Variants in RBBP7 observed in about 807,000 individuals in gnomAD.
The protein encoded by RBBP7 is RB binding protein 7, chromatin remodeling factor, also known as histone-binding protein RBBP7.
RBBP7 carries 5 observed loss-of-function variants against 35.2 expected under a neutral mutation model. That is an observed-to-expected ratio of 0.14 (90% confidence interval 0.07 to 0.30). The LOEUF is 0.30. RBBP7 is among the 10% of genes least tolerant of loss of function. RBBP7 has a pLI of 1.00. For synonymous variants in RBBP7, 140 were observed against 118.7 expected, an observed-to-expected ratio of 1.18 and a Z score of -1.17; for missense variants, 155 against 327.5, an observed-to-expected ratio of 0.47 and a Z score of 4.07.
chrX:16,845,574 A>G (rs1930052769), intron 11 of RBBP7, among the ~76,000 whole-genome samples: 1 of 112,259 alleles, frequency 8.9e-6, no homozygotes, highest in Admixed American at 9.5e-5. Flanking sequence ...TATGAAGAGC[A>G]CAACAACAAT....
intron 9 of RBBP7, 71 bp from the exon 10 acceptor site, chrX:16,849,372 T>C: frequency 2.1e-6 from 2 of 940,651 alleles, no homozygotes; most frequent in Non-Finnish European, 1.5e-6. Context: ...TAAACCAGTA[T>C]CAGCCCAGAA....
chrX:16,868,968 A>T, intron 2 of RBBP7, 108 bp downstream of exon 2: 1 of 866,331 alleles, frequency 1.2e-6, no homozygotes, highest in Non-Finnish European at 1.6e-6. Flanking sequence ...CTGCCACCTC[A>T]TGCAAGGGCT....
At position 16,869,779 on chromosome X, in the gene RBBP7, A is replaced by G. The variant is rs1930729503; in HGVS notation, c.16+259T>C. 8.5e-6 allele frequency: 8 copies of G among 940,341 alleles called. No individual in the cohort carries two copies. In the South Asian group the frequency reaches 4.3e-4, roughly 50 times the overall value. The allele number at this position is 940,341 out of a possible 1,213,427, so 77.5% of individuals were successfully genotyped here. ...TCCGCCCCGGGGCCGAGGGCGCCGGAGGGAGCGCAGCCGCTGGAGGAGGGA... is the reference window on the plus strand; with the variant it reads ...TCCGCCCCGGGGCCGAGGGCGCCGGGGGGAGCGCAGCCGCTGGAGGAGGGA... On this transcript the variant is annotated intron_variant, in intron 1 of 11. Transcript: ENST00000380087.
intron 2 of RBBP7, among the ~76,000 whole-genome samples, chrX:16,864,544 A>G (rs986399510): frequency 4.5e-4 from 18 of 40,376 alleles, no homozygotes; most frequent in African/African-American, 1.7e-3. Flanking sequence ...AAAAAAAAAA[A>G]AAAGAAAAAG....
chrX:16,868,970 G>T, intron 2 of RBBP7, 106 bp downstream of exon 2: 2 of 889,915 alleles, frequency 2.2e-6, no homozygotes, highest in Non-Finnish European at 3.1e-6. Flanking sequence ...GCCACCTCAT[G>T]CAAGGGCTGA....
chrX:16,866,659 A>C (rs1930632307), intron 2 of RBBP7, among the ~76,000 whole-genome samples: 1 of 110,983 alleles, frequency 9.0e-6, no homozygotes, highest in African/African-American at 3.3e-5. Context: ...AAGAAAGTCC[A>C]AGTAATCGTT....
At chrX:16,853,459 TA>T in intron 6 of RBBP7, 1 of 292,596 alleles carries the variant, frequency 3.4e-6, no homozygotes, top group Non-Finnish European at 5.9e-6. Flanking sequence ...CATACCCAAC[TA>T]ATTTTTTGTT....
chrX:16,857,861 T>TCATC, intron 4 of RBBP7, 152 bp from the exon 5 acceptor site: 1 of 824,888 alleles, frequency 1.2e-6, no homozygotes, highest in Non-Finnish European at 1.6e-6. Flanking sequence ...CTCATGACCA[T>TCATC]TAGATGATTG....
chrX:16,856,944 A>G (rs1930367661), intron 5 of RBBP7, among the ~76,000 whole-genome samples: 1 of 111,889 alleles, frequency 8.9e-6, no homozygotes, highest in African/African-American at 3.2e-5. Flanking sequence ...ACTGTGGTAT[A>G]TCCATACAGT....
intron 7 of RBBP7, 37 bp downstream of exon 7, chrX:16,852,712 G>A (rs1930240018): frequency 8.3e-7 from 1 of 1,211,769 alleles, no homozygotes; most frequent in Admixed American, 2.2e-5. Context: ...AGAGAACTGG[G>A]TTTTATAAAC....
chrX:16,849,326 T>G, intron 9 of RBBP7, 25 bp from the exon 10 acceptor site: 1 of 1,176,348 alleles, frequency 8.5e-7, no homozygotes, highest in Non-Finnish European at 1.2e-6. Flanking sequence ...AATATAACGC[T>G]TTCATCAGTG....
chrX:16,861,153 G>A (rs1930468597), intron 3 of RBBP7, among the ~76,000 whole-genome samples: 1 of 112,033 alleles, frequency 8.9e-6, no homozygotes, highest in Non-Finnish European at 1.9e-5. Context: ...CAGCCTGGGC[G>A]ACTGAGCGAG....
intron 5 of RBBP7, 32 bp downstream of exon 5, chrX:16,857,562 T>C: frequency 2.5e-6 from 3 of 1,209,248 alleles, no homozygotes; most frequent in Non-Finnish European, 3.4e-6. Context: ...GCTCTCACTA[T>C]ATGAACAAAT....
At position 16,844,804 on chromosome X, in the gene RBBP7, G is replaced by C. The variant is rs1338624349; in HGVS notation, c.*231C>G. On this transcript the variant is annotated 3_prime_UTR_variant, in exon 12 of 12. Transcript: ENST00000380087. ...AATCAAAGGCAATACCCTGCTACTT[G>C]TATTTAAAATCAATGGTGATGTTCT... 1 of 302,787 alleles carries C rather than the reference G, an allele frequency of 3.3e-6. No homozygotes were observed. The highest frequency in any genetic ancestry group is 5.8e-6 in the Non-Finnish European group (1 of 173,768). The allele number at this position is 302,787 out of a possible 1,213,427, so 25.0% of individuals were successfully genotyped here.
intron 10 of RBBP7, chrX:16,846,219 A>G (rs893847174): frequency 8.5e-5 from 17 of 200,940 alleles, no homozygotes; most frequent in African/African-American, 3.8e-4. Flanking sequence ...GAGCCTATAC[A>G]ATGAAATGGC....
chrX:16,870,012 G>A (rs765997180), intron 1 of RBBP7, 26 bp downstream of exon 1: 967 of 821,182 alleles, frequency 1.2e-3, no homozygotes, highest in Admixed American at 1.6e-3. Flanking sequence ...CGGCCCCGGC[G>A]CGCGCCGCCC....
chrX:16,866,523 CAAAAAAAAAAAAAAAAAAAAAAA>C (rs55729039), intron 2 of RBBP7, among the ~76,000 whole-genome samples: 2 of 32,583 alleles, frequency 6.1e-5, no homozygotes, highest in African/African-American at 1.4e-4. Context: ...GAGACTGTCT[CAAAAAAAAAAAAAAAAAAAAAAA>C]AAAAAAAAAA....
chrX:16,852,949 G>A, intron 6 of RBBP7, 74 bp from the exon 7 acceptor site: 1 of 1,194,372 alleles, frequency 8.4e-7, no homozygotes, highest in South Asian at 1.8e-5. Flanking sequence ...CACTGTCACT[G>A]CACTCCACAA....
chrX:16,852,586 G>A lies in RBBP7; in HGVS notation c.928C>T (p.His310Tyr), dbSNP rs1930237249. 1 of 1,209,745 alleles carries A rather than the reference G, an allele frequency of 8.3e-7. No individual in the cohort carries two copies. The highest frequency in any genetic ancestry group is 2.2e-5 in the Admixed American group (1 of 45,721). Residue 310 changes from histidine to tyrosine, a missense_variant, in exon 8 of 12, where the codon CAT becomes TAT. By Grantham distance (83) the His-to-Tyr change is moderately conservative (BLOSUM62 2). Coordinates refer to ENST00000380087, the MANE Select transcript of RBBP7 (RefSeq NM_002893.4). ...TCATCTTTATGAGATTCGAAGGTAT[G>A]GAGTTTTAATTTTAAGTTACGCAGA... is the stretch of plus-strand genomic sequence containing the variant. ...WDLRNLKLKL[H>Y]TFESHKDEIF...
Sources: allele counts gnomAD v4.1 joint callset (sites outside exome capture counted in the v4.1 genomes callset), GRCh38; gene constraint gnomAD v4.1.1; transcripts MANE v1.5; gene names NCBI Gene and HGNC (gene_info 2026-07-23, HGNC 2026-07-21).